The following CNGB1 variants were observed in gnomAD, a reference collection of about 807,000 sequenced individuals.
The protein encoded by CNGB1 is cyclic nucleotide-gated channel beta-1.
Under a neutral mutation model 151.7 loss-of-function variants are expected in CNGB1, and 126 were observed. The observed-to-expected ratio is 0.83, with a 90% CI of 0.72 to 0.96. The LOEUF (loss-of-function observed/expected upper bound fraction) is 0.96. Among genes scored for constraint, CNGB1 ranks in the 40% least tolerant of loss-of-function variants. The pLI is 0.00. For synonymous variants in CNGB1, 623 were observed against 635.1 expected, an observed-to-expected ratio of 0.98 and a Z score of 0.29; for missense variants, 1,698 against 1,627.0, an observed-to-expected ratio of 1.04 and a Z score of -0.75.
intron 14 of CNGB1, among the ~76,000 whole-genome samples, chr16:57,946,955 G>A (rs1011389832): frequency 1.6e-4 from 24 of 152,246 alleles, no homozygotes; most frequent in African/African-American, 5.8e-4. Flanking sequence ...TTTGTGCAAG[G>A]CTGTCACGTG....
At chr16:57,914,440 C>T (rs1252236175) in intron 23 of CNGB1, among the ~76,000 whole-genome samples, 8 of 152,220 alleles carry the variant, frequency 5.3e-5, no homozygotes, top group East Asian at 1.9e-4. Context: ...GGCACTTGCA[C>T]GCCCCCTAGT....
chr16:57,919,037 C>A, intron 20 of CNGB1, 62 bp downstream of exon 20: 1 of 1,612,090 alleles, frequency 6.2e-7, no homozygotes, highest in Non-Finnish European at 8.5e-7. Flanking sequence ...TCTCCCCATC[C>A]CGCTCCAACT....
chr16:57,884,173 C>G lies in CNGB1; in HGVS notation c.3747G>C (p.Lys1249Asn), dbSNP rs1567358808. Residue 1249 changes from lysine (K) to asparagine (N), a missense_variant, in exon 33 of 33, where the codon AAG (lysine) becomes AAC (asparagine). Lys to Asn is a moderately conservative substitution (Grantham distance 94). Transcript: ENST00000251102. ...SVKMPEEREE[K>N]AE ...TCCGCCTCACCCCACCTTACTCCGC[C>G]TTCTCCTCCCTTTCCTCCGGCATCT... 2.5e-6 allele frequency: 4 copies of G among 1,613,934 alleles called. No homozygotes were observed. Among genetic ancestry groups the G allele is most frequent in the Non-Finnish European group, 3.4e-6 (4 of 1,179,936 alleles).
At chr16:57,890,806 CT>C (rs1300825072) in intron 31 of CNGB1, among the ~76,000 whole-genome samples, 2 of 152,230 alleles carry the variant, frequency 1.3e-5, no homozygotes, top group Non-Finnish European at 2.9e-5. Flanking sequence ...TGTATCTCCC[CT>C]GATGAGCAGA....
chr16:57,912,568 T>C (rs1960748097), intron 24 of CNGB1, among the ~76,000 whole-genome samples: 1 of 150,762 alleles, frequency 6.6e-6, no homozygotes, highest in South Asian at 2.1e-4. Flanking sequence ...GCAAACTTCC[T>C]GTGTTGTGTG....
At chr16:57,965,682 G>A (rs1319015555) in intron 2 of CNGB1, among the ~76,000 whole-genome samples, 1 of 152,048 alleles carries the variant, frequency 6.6e-6, no homozygotes, top group Non-Finnish European at 1.5e-5. Flanking sequence ...GCACAAACAT[G>A]CAGATACATA....
At chr16:57,912,422 G>A (rs950665600) in intron 24 of CNGB1, among the ~76,000 whole-genome samples, 6 of 152,174 alleles carry the variant, frequency 3.9e-5, no homozygotes, top group African/African-American at 2.4e-5. Flanking sequence ...GAGGGGCATC[G>A]GATATTCCTG....
Position 57,917,313 on chromosome 16 carries a change from G to A in CNGB1, c.2121C>T (p.Thr707=), listed in dbSNP as rs748402322. ...CAAACTGCAGGCGTGTCTGGAACAC[G>A]GTGATGTCCAGGAAGTAGATGAGGT... ...LCDLIYFLDI[T]VFQTRLQFVR... is the part of the protein sequence containing the mutation. The change falls in exon 21 of 33, where the codon ACC becomes ACT. Residue 707 remains threonine (T), a synonymous_variant. Coordinates refer to ENST00000251102, the MANE Select transcript of CNGB1 (RefSeq NM_001297.5). 5.6e-6 allele frequency: 9 copies of A among 1,614,086 alleles called. No individual in the cohort carries two copies. The highest frequency in any genetic ancestry group is 1.3e-5 in the African/African-American group (1 of 75,016).
rs937310473 is a variant in CNGB1, at chr16:57,916,356, G to A, written c.2167-177C>T. On this transcript the variant is annotated intron_variant, in intron 21 of 32. Transcript: ENST00000251102. ...TGGGTGGAGAGGCCCAGCCCCCAGG[G>A]AGGAGGGATCTGTTCTGGTCACCCA... 3.3e-5 allele frequency among the ~76,000 whole-genome samples: 5 copies of A among 152,154 alleles called. No individual in the cohort carries two copies. The South Asian group carries it at 8.3e-4, about 25-fold the overall frequency.
chr16:57,918,188 T>C (rs1385339488), intron 20 of CNGB1, among the ~76,000 whole-genome samples: 2 of 151,990 alleles, frequency 1.3e-5, no homozygotes, highest in Admixed American at 1.3e-4. Flanking sequence ...TTGCCCAGGC[T>C]GATCTTGAAC....
chr16:57,967,472 T>C (rs1047120423), intron 1 of CNGB1, 178 bp from the exon 2 acceptor site: 1 of 614,920 alleles, frequency 1.6e-6, no homozygotes, highest in Non-Finnish European at 2.9e-6. Flanking sequence ...GATGGGCCGA[T>C]TGCTTGAATC....
rs564118306 is a variant in CNGB1 at position 57,923,762 on chromosome 16, T to A, written c.1536-382A>T. Among the ~76,000 whole-genome samples, 15 of 152,282 alleles carry A rather than the reference T, an allele frequency of 9.9e-5. No individual in the cohort carries two copies. The East Asian group carries it at 2.9e-3, about 29-fold the overall frequency. On this transcript the variant is annotated intron_variant, in intron 17 of 32. Transcript: ENST00000251102. Reference sequence around the variant, plus strand: ...AGTAAATGAGATACTTATCACTTAGTTCTCAGTTTCAACTTCCTTCCCCTC... The same window carrying A: ...AGTAAATGAGATACTTATCACTTAGATCTCAGTTTCAACTTCCTTCCCCTC...
At chr16:57,967,416 G>A (rs1172657550) in intron 1 of CNGB1, 122 bp from the exon 2 acceptor site, 16 of 1,018,102 alleles carry the variant, frequency 1.6e-5, no homozygotes, top group Non-Finnish European at 2.2e-5. Context: ...CATTTCGACT[G>A]GGTGCGGTGG....
chr16:57,908,221 C>G (rs1426311945), intron 25 of CNGB1, among the ~76,000 whole-genome samples: 1 of 152,244 alleles, frequency 6.6e-6, no homozygotes, highest in African/African-American at 2.4e-5. Flanking sequence ...GTGGCTCCCC[C>G]TCGGGGCAGG....
chr16:57,924,201 T>C (rs1961123599), intron 17 of CNGB1, among the ~76,000 whole-genome samples: 1 of 152,162 alleles, frequency 6.6e-6, no homozygotes, highest in African/African-American at 2.4e-5. Flanking sequence ...GCTAACTCTC[T>C]GGATTTTCCC....
At chr16:57,944,951 TAAAAA>T (rs367717137) in intron 14 of CNGB1, among the ~76,000 whole-genome samples, 4 of 104,358 alleles carry the variant, frequency 3.8e-5, no homozygotes, top group African/African-American at 1.6e-4. Flanking sequence ...ACTCTGTCTT[TAAAAA>T]AAAAAAAAAA....
In CNGB1 at chr16:57,939,566, CTCCTCCCCAACT is replaced by C. The variant is rs2149376118; in HGVS notation, c.1224_1235del (p.Val409_Glu412del). ...CCTTCTCTTCAGCCTCCTTCTTGGC[CTCCTCCCCAACT>C]TCCTCCCACAGCTTCTGCAGAGAAT... On this transcript the variant is annotated inframe_deletion, in exon 16 of 33. Coordinates refer to ENST00000251102, the MANE Select transcript of CNGB1 (RefSeq NM_001297.5). The C allele has an allele frequency of 6.2e-7, 1 of 1,614,196 alleles. No homozygotes were observed. The highest frequency in any genetic ancestry group is 8.5e-7 in the Non-Finnish European group (1 of 1,180,028).
At chr16:57,904,684 G>A (rs1230187736) in intron 26 of CNGB1, 50 bp downstream of exon 26, 2 of 1,612,160 alleles carry the variant, frequency 1.2e-6, no homozygotes, top group East Asian at 2.2e-5. Flanking sequence ...AACAGTGGGA[G>A]GGGGCCCTGC....
intron 29 of CNGB1, among the ~76,000 whole-genome samples, chr16:57,900,330 C>A (rs1309501380): frequency 2.0e-5 from 3 of 152,244 alleles, no homozygotes; most frequent in African/African-American, 7.2e-5. Context: ...AATTTCACTG[C>A]TGCACAGCAT....
Sources: allele counts gnomAD v4.1 joint callset (sites outside exome capture counted in the v4.1 genomes callset), GRCh38; gene constraint gnomAD v4.1.1; transcripts MANE v1.5; gene names NCBI Gene and HGNC (gene_info 2026-07-23, HGNC 2026-07-21).